The following ZDHHC9 variants were observed in gnomAD, a reference collection of about 807,000 sequenced individuals.
ZDHHC9 encodes palmitoyltransferase ZDHHC9.
A neutral mutation model predicts 26.6 loss-of-function variants in ZDHHC9; 3 were observed. The observed-to-expected ratio is 0.11, with a 90% CI of 0.05 to 0.29. ZDHHC9 has a LOEUF of 0.29. ZDHHC9 is among the 10% of genes least tolerant of loss of function. The probability of loss-of-function intolerance (pLI) is 1.00; values close to 1 mark genes in which losing one functional copy is unlikely to be tolerated. For synonymous variants in ZDHHC9, 111 were observed against 109.4 expected, an observed-to-expected ratio of 1.01 and a Z score of -0.09; for missense variants, 146 against 296.4, an observed-to-expected ratio of 0.49 and a Z score of 3.73.
At chrX:129,840,174 C>T (rs1928347603) in intron 3 of ZDHHC9, among the ~76,000 whole-genome samples, 1 of 109,966 alleles carries the variant, frequency 9.1e-6, no homozygotes, top group Non-Finnish European at 1.9e-5. Flanking sequence ...ATTTCAAGTA[C>T]CCCTGGCCAG....
At chrX:129,833,402 G>C (rs60874149) in intron 3 of ZDHHC9, among the ~76,000 whole-genome samples, 6,755 of 111,619 alleles carry the variant, frequency 0.061, 508 homozygotes, top group African/African-American at 0.21. Flanking sequence ...TAGTTCACTG[G>C]AGGGATGATG....
At position 129,806,590 on chromosome X, in the gene ZDHHC9, C is replaced by A; in HGVS notation, c.979-104G>T. On this transcript the variant is annotated intron_variant, in intron 10 of 10. Coordinates refer to ENST00000357166, the MANE Select transcript of ZDHHC9 (RefSeq NM_016032.4). ...TCTTCCTCTCAGCCCCCTGATCACACTGATGCTACAGATATGCAGCCACCA... is the reference window on the plus strand; with the variant it reads ...TCTTCCTCTCAGCCCCCTGATCACAATGATGCTACAGATATGCAGCCACCA... 1.0e-5 allele frequency: 7 copies of A among 688,623 alleles called. No homozygotes were observed. The South Asian group carries it at 1.7e-4, about 17-fold the overall frequency. 56.8% of individuals were successfully genotyped at this position (688,623 alleles called of 1,213,427 possible).
At chrX:129,834,348 T>C (rs758974645) in intron 3 of ZDHHC9, among the ~76,000 whole-genome samples, 1 of 101,718 alleles carries the variant, frequency 9.8e-6, no homozygotes, top group African/African-American at 4.8e-5. Flanking sequence ...AATAAACATG[T>C]AGAACCACCC....
chrX:129,823,885 G>A, intron 4 of ZDHHC9, 48 bp from the exon 5 acceptor site: 1 of 1,169,459 alleles, frequency 8.6e-7, no homozygotes, highest in Non-Finnish European at 1.2e-6. Flanking sequence ...CATCACTTGA[G>A]CCCAAAAGTC....
chrX:129,838,696 T>TAA (rs60788077), intron 3 of ZDHHC9, among the ~76,000 whole-genome samples: 66 of 102,640 alleles, frequency 6.4e-4, no homozygotes, highest in African/African-American at 2.2e-3. Flanking sequence ...AAAAAATAAT[T>TAA]AAAAAAAAAA....
In ZDHHC9 at chrX:129,841,986, G is replaced by A. The variant is rs200678472; in HGVS notation, c.-41C>T. 17 of 1,204,285 alleles carry A rather than the reference G, an allele frequency of 1.4e-5. No individual in the cohort carries two copies. In the African/African-American group the frequency reaches 1.8e-4, roughly 12 times the overall value. ...TCCAAAATGGGTTTTGCGATTACACGAGAGAAGAAACAGAGGCTGAGCCCA... is the reference window on the plus strand; with the variant it reads ...TCCAAAATGGGTTTTGCGATTACACAAGAGAAGAAACAGAGGCTGAGCCCA... On this transcript the variant is annotated 5_prime_UTR_variant, in exon 3 of 11. Transcript: ENST00000357166.
At position 129,837,552 on chromosome X, in the gene ZDHHC9, T is replaced by C. The variant is rs1267197536; in HGVS notation, c.167+4227A>G. ...TGATTACTAAGCAGTGTTACAAAGCTGTTTTCAGTTCATCCAATTCAATGA... is the reference window on the plus strand; with the variant it reads ...TGATTACTAAGCAGTGTTACAAAGCCGTTTTCAGTTCATCCAATTCAATGA... On this transcript the variant is annotated intron_variant, in intron 3 of 10. Coordinates refer to ENST00000357166, the MANE Select transcript of ZDHHC9 (RefSeq NM_016032.4). 2.7e-5 allele frequency among the ~76,000 whole-genome samples: 3 copies of C among 112,652 alleles called. No homozygotes were observed. In the East Asian group the frequency reaches 8.3e-4, roughly 31 times the overall value.
Position 129,806,390 on chromosome X carries a change from C to T in ZDHHC9, c.1075G>A (p.Ala359Thr), listed in dbSNP as rs1927515432. 1.7e-6 allele frequency: 2 copies of T among 1,209,625 alleles called. No homozygotes were observed. Among genetic ancestry groups the T allele is most frequent in the African/African-American group, 3.5e-5 (2 of 57,181 alleles). Reference protein sequence around the residue: ...PPEPPEPPQEAAEAEK With the variant: ...PPEPPEPPQETAEAEK ...ATAGGCTACTTCTCAGCTTCAGCTG[C>T]CTCCTGTGGTGGCTCTGGGGGCTCT... is the stretch of plus-strand genomic sequence containing the variant. The change falls in exon 11 of 11, where the codon GCA becomes ACA. Residue 359 changes from alanine to threonine, a missense_variant. By Grantham distance (58) the Ala-to-Thr change is moderately conservative. Coordinates refer to ENST00000357166, the MANE Select transcript of ZDHHC9 (RefSeq NM_016032.4).
At position 129,843,732 on chromosome X, in the gene ZDHHC9, G is replaced by T. The variant is rs1928440548; in HGVS notation, c.-240C>A. On this transcript the variant is annotated 5_prime_UTR_variant, in exon 1 of 11. Coordinates refer to ENST00000357166, the MANE Select transcript of ZDHHC9 (RefSeq NM_016032.4). ...AGACCCAACTCGGCCGGCAGCTGAC[G>T]GCAGGAAACGGACCGTCCCAGGGAA... 1.0e-5 allele frequency: 1 copy of T among 100,409 alleles called. No homozygotes were observed. Among genetic ancestry groups the T allele is most frequent in the African/African-American group, 3.7e-5 (1 of 27,126 alleles). The allele number at this position is 100,409 out of a possible 1,213,427, so 8.3% of individuals were successfully genotyped here.
intron 5 of ZDHHC9, among the ~76,000 whole-genome samples, chrX:129,822,620 AAAT>A (rs1182276266): frequency 2.9e-4 from 32 of 111,283 alleles, no homozygotes; most frequent in African/African-American, 1.0e-3. Context: ...GTAAAATAAA[AAAT>A]AATAATAATA....
chrX:129,824,907 A>G (rs185931467), intron 4 of ZDHHC9, among the ~76,000 whole-genome samples: 12 of 112,830 alleles, frequency 1.1e-4, no homozygotes, highest in African/African-American at 3.9e-4. Context: ...AAACAATACT[A>G]TCTTGCAAAC....
chrX:129,830,836 T>TG (rs1328140416), intron 3 of ZDHHC9, among the ~76,000 whole-genome samples: 1 of 111,790 alleles, frequency 8.9e-6, no homozygotes, highest in Admixed American at 9.6e-5. Flanking sequence ...CACAACTTCA[T>TG]GGGGGGACAC....
Position 129,805,954 on chromosome X carries a change from T to G in ZDHHC9, c.*416A>C, listed in dbSNP as rs2124095635. The G allele has an allele frequency of 6.2e-6, 1 of 160,574 alleles. No individual in the cohort carries two copies. The highest frequency in any genetic ancestry group is 3.1e-5 in the African/African-American group (1 of 32,322). 13.2% of individuals were successfully genotyped at this position (160,574 alleles called of 1,213,427 possible). ...TTAGGATCCCCTGGCCAGAGGTCTC[T>G]GTGACTGCCTCTGGACTCAGCACGT... is the stretch of plus-strand genomic sequence containing the variant. On this transcript the variant is annotated 3_prime_UTR_variant, in exon 11 of 11. Coordinates refer to ENST00000357166, the MANE Select transcript of ZDHHC9 (RefSeq NM_016032.4).
At chrX:129,839,843 C>T (rs1006304413) in intron 3 of ZDHHC9, among the ~76,000 whole-genome samples, 2 of 111,731 alleles carry the variant, frequency 1.8e-5, no homozygotes, top group Non-Finnish European at 3.8e-5. Context: ...CATTTACTTC[C>T]TTCTCCCCTC....
At position 129,813,579 on chromosome X, in the gene ZDHHC9, T is replaced by C. The variant is rs971648738; in HGVS notation, c.674+98A>G. On this transcript the variant is annotated intron_variant, in intron 7 of 10. Coordinates refer to ENST00000357166, the MANE Select transcript of ZDHHC9 (RefSeq NM_016032.4). ...TATTTTAGACCTTGGCACTCTCTGA[T>C]ATCTGAAAAACTAGATAGTGGGAGA... 5 of 901,028 alleles carry C rather than the reference T, an allele frequency of 5.5e-6. No homozygotes were observed. In the African/African-American group the frequency reaches 9.9e-5, roughly 18 times the overall value. 74.3% of individuals were successfully genotyped at this position (901,028 alleles called of 1,213,427 possible).
At chrX:129,813,609 TG>T in intron 7 of ZDHHC9, 67 bp downstream of exon 7, 1 of 1,064,628 alleles carries the variant, frequency 9.4e-7, no homozygotes, top group Non-Finnish European at 1.3e-6. Context: ...GGGAGAACTG[TG>T]GGGAAAAAGC....
intron 9 of ZDHHC9, 50 bp downstream of exon 9, chrX:129,811,356 G>T: frequency 9.4e-7 from 1 of 1,066,433 alleles, no homozygotes; most frequent in Non-Finnish European, 1.3e-6. Context: ...ACAGGATCAG[G>T]TTGAGCTGCT....
rs916538824 is a variant in ZDHHC9 at position 129,843,370 on chromosome X, C to T, written c.-203-44G>A. 4 of 112,455 alleles carry T rather than the reference C, an allele frequency of 3.6e-5. No homozygotes were observed. In the East Asian group the frequency reaches 8.5e-4, roughly 24 times the overall value. 9.3% of individuals were successfully genotyped at this position (112,455 alleles called of 1,213,427 possible). ...AAATCCGTCGGGAAGCAGCGACCGG[C>T]TCCCCAGCGGGGGGCCGGAGGCCGG... On this transcript the variant is annotated intron_variant, in intron 1 of 10. Coordinates refer to ENST00000357166, the MANE Select transcript of ZDHHC9 (RefSeq NM_016032.4).
In ZDHHC9 at chrX:129,812,874, T is replaced by A. The variant is rs972135332; in HGVS notation, c.675-54A>T. On this transcript the variant is annotated intron_variant, in intron 7 of 10. Transcript: ENST00000357166. ...ACTCAACATCAGGAGACTTGATGCC[T>A]CCGCCCATATTCAGAGCACCAGTCA... 4.7e-6 allele frequency: 4 copies of A among 845,147 alleles called. No individual in the cohort carries two copies. In the East Asian group the frequency reaches 1.2e-4, roughly 26 times the overall value. The allele number at this position is 845,147 out of a possible 1,213,427, so 69.6% of individuals were successfully genotyped here. A position where few individuals can be genotyped will look rare whatever the true frequency, so the allele number is the denominator to read the frequency against.
Sources: allele counts gnomAD v4.1 joint callset (sites outside exome capture counted in the v4.1 genomes callset), GRCh38; gene constraint gnomAD v4.1.1; transcripts MANE v1.5; gene names NCBI Gene and HGNC (gene_info 2026-07-23, HGNC 2026-07-21).